Variants in HACE1 observed in about 807,000 individuals in gnomAD.
HACE1 encodes the protein HECT domain and ankyrin repeat containing E3 ubiquitin protein ligase 1.
A neutral mutation model predicts 118.4 loss-of-function variants in HACE1; 73 were observed. The ratio of observed to expected loss-of-function variants is 0.62; its 90% confidence interval spans 0.51 to 0.75. HACE1 has a LOEUF of 0.75. Among genes scored for constraint, HACE1 ranks in the 30% least tolerant of loss-of-function variants. The pLI, the probability that HACE1 is intolerant of heterozygous loss-of-function variation, is 0.00. For synonymous variants in HACE1, 368 were observed against 374.8 expected, an observed-to-expected ratio of 0.98 and a Z score of 0.21; for missense variants, 749 against 1,102.2, an observed-to-expected ratio of 0.68 and a Z score of 4.54.
chr6:104,856,495 C>T (rs548834428), intron 1 of HACE1, among the ~76,000 whole-genome samples: 53 of 151,760 alleles, frequency 3.5e-4, no homozygotes, highest in Admixed American at 3.2e-3. Context: ...AATGCAGTGG[C>T]GCGATCTTGG....
chr6:104,729,709 G>C lies in HACE1; in HGVS notation c.2683C>G (p.Leu895Val), dbSNP rs903180713. The C allele has an allele frequency of 3.8e-6, 6 of 1,593,712 alleles. No individual in the cohort carries two copies. The highest frequency in any genetic ancestry group is 5.2e-6 in the Non-Finnish European group (6 of 1,161,748). The change falls in exon 24 of 24, where the codon CTT becomes GTT. Residue 895 changes from leucine to valine, a missense_variant. Leu to Val is a conservative substitution (Grantham distance 32). Transcript: ENST00000262903. ...YPSKEILKDR[L>V]LVALHCGSYG... The stretch of plus-strand genomic sequence containing the variant: ...CTGCCACAATGTAGTGCCACAAGAA[G>C]TCTGTCCTTGAGTATTTCTTTACTT...
Position 104,777,979 on chromosome 6 carries a change from G to A in HACE1, c.1567-662C>T, listed in dbSNP as rs186564927. On this transcript the variant is annotated intron_variant, in intron 14 of 23. Coordinates refer to ENST00000262903, the MANE Select transcript of HACE1 (RefSeq NM_020771.4). ...TCACCATGTTAGCCAGGCTGGTTTC[G>A]AACTCCTGACCTCAGGTGATCCACC... Among the ~76,000 whole-genome samples, 261 of 152,134 alleles carry A rather than the reference G, an allele frequency of 1.7e-3. 1 individual carries two copies. The highest frequency in any genetic ancestry group is 5.9e-3 in the African/African-American group (244 of 41,520).
rs774420781 is a variant in HACE1 at position 104,843,317 on chromosome 6, C to G, written c.327-19G>C. ...CTTCTGCCTGAAAAGAAAAAAGAGTCATGGATAACTGGTACTTAAAAAATA... is the reference window on the plus strand; with the variant it reads ...CTTCTGCCTGAAAAGAAAAAAGAGTGATGGATAACTGGTACTTAAAAAATA... On this transcript the variant is annotated intron_variant, in intron 4 of 23. Coordinates refer to ENST00000262903, the MANE Select transcript of HACE1 (RefSeq NM_020771.4). 1 of 1,126,622 alleles carries G rather than the reference C, an allele frequency of 8.9e-7. No homozygotes were observed. The highest frequency in any genetic ancestry group is 1.4e-6 in the Non-Finnish European group (1 of 736,008). The allele number at this position is 1,126,622 out of a possible 1,614,324, so 69.8% of individuals were successfully genotyped here. A position where few individuals can be genotyped will look rare whatever the true frequency, so the allele number is the denominator to read the frequency against.
At chr6:104,746,463 A>C in intron 20 of HACE1, among the ~76,000 whole-genome samples, 1 of 152,172 alleles carries the variant, frequency 6.6e-6, no homozygotes, top group East Asian at 1.9e-4. Flanking sequence ...CCTGGGAAAC[A>C]TAGGCAGTTA....
chr6:104,823,484 A>C (rs1772997343), intron 6 of HACE1, among the ~76,000 whole-genome samples: 1 of 145,812 alleles, frequency 6.9e-6, no homozygotes, highest in Non-Finnish European at 1.5e-5. Flanking sequence ...TTTTCCATTC[A>C]TAAATCTTTC....
chr6:104,769,932 A>C (rs1199585870), intron 19 of HACE1, among the ~76,000 whole-genome samples: 1 of 152,142 alleles, frequency 6.6e-6, no homozygotes, highest in Non-Finnish European at 1.5e-5. Context: ...TATATATCTG[A>C]AACTAAGAAC....
At chr6:104,782,889 G>C (rs1781892032) in intron 14 of HACE1, among the ~76,000 whole-genome samples, 1 of 152,092 alleles carries the variant, frequency 6.6e-6, no homozygotes, top group Non-Finnish European at 1.5e-5. Flanking sequence ...CCAAACCATT[G>C]CCTACAGTCT....
intron 7 of HACE1, 90 bp from the exon 8 acceptor site, chr6:104,797,115 G>A: frequency 1.3e-6 from 1 of 768,982 alleles, no homozygotes; most frequent in Non-Finnish European, 2.3e-6. Flanking sequence ...CAATGGAAGA[G>A]TATCACTTTT....
intron 3 of HACE1, among the ~76,000 whole-genome samples, chr6:104,850,402 CT>C (rs1055052789): frequency 6.6e-6 from 1 of 152,160 alleles, no homozygotes. Flanking sequence ...TACTTTCAAC[CT>C]TCTGGCCTTT....
intron 19 of HACE1, among the ~76,000 whole-genome samples, chr6:104,770,440 C>T (rs778005763): frequency 5.9e-5 from 9 of 151,802 alleles, no homozygotes; most frequent in Non-Finnish European, 1.0e-4. Flanking sequence ...AAAATAAGGC[C>T]GAGAGTGGTG....
At chr6:104,784,525 G>C in intron 12 of HACE1, 40 bp from the exon 13 acceptor site, 1 of 1,361,918 alleles carries the variant, frequency 7.3e-7, no homozygotes, top group South Asian at 1.2e-5. Context: ...ACAGGCAAAA[G>C]TTTGTGATAT....
intron 10 of HACE1, among the ~76,000 whole-genome samples, chr6:104,794,803 G>A (rs1363092117): frequency 6.6e-6 from 1 of 152,138 alleles, no homozygotes; most frequent in Non-Finnish European, 1.5e-5. Flanking sequence ...TACTTGGGAG[G>A]CTGAGGCAGG....
chr6:104,770,918 CA>C (rs553957682), intron 19 of HACE1, among the ~76,000 whole-genome samples: 22 of 152,244 alleles, frequency 1.4e-4, no homozygotes, highest in Non-Finnish European at 2.4e-4. Context: ...TATTTCTAAT[CA>C]AATTTCTCAA....
At chr6:104,794,703 A>G (rs1395298331) in intron 10 of HACE1, among the ~76,000 whole-genome samples, 1 of 152,220 alleles carries the variant, frequency 6.6e-6, no homozygotes, top group East Asian at 1.9e-4. Context: ...CAGGAGTTCA[A>G]GACCAGCCTG....
At chr6:104,765,424 G>A (rs1779882226) in intron 19 of HACE1, among the ~76,000 whole-genome samples, 2 of 152,336 alleles carry the variant, frequency 1.3e-5, no homozygotes, top group South Asian at 4.1e-4. Flanking sequence ...GCCTACCACA[G>A]GGGCTGTCTC....
intron 22 of HACE1, among the ~76,000 whole-genome samples, chr6:104,738,793 G>A (rs1046605676): frequency 6.8e-5 from 10 of 146,170 alleles, no homozygotes; most frequent in Admixed American, 2.7e-4. Context: ...GCAGGCCAAC[G>A]TTCAGATTCA....
At chr6:104,795,109 T>C (rs1783473273) in intron 10 of HACE1, among the ~76,000 whole-genome samples, 1 of 152,086 alleles carries the variant, frequency 6.6e-6, no homozygotes, top group African/African-American at 2.4e-5. Context: ...TCCACGAACT[T>C]AGTGATGATA....
At chr6:104,823,518 A>AAT (rs1464456940) in intron 6 of HACE1, among the ~76,000 whole-genome samples, 70 of 152,230 alleles carry the variant, frequency 4.6e-4, no homozygotes, top group African/African-American at 1.7e-3. Context: ...TTTTAAAAAA[A>AAT]ACAGCCCGAT....
chr6:104,791,259 C>T lies in HACE1; in HGVS notation c.1074+245G>A, dbSNP rs540463277. Among the ~76,000 whole-genome samples the T allele has an allele frequency of 4.6e-5, 7 of 152,268 alleles. No individual in the cohort carries two copies. The South Asian group carries it at 1.0e-3, about 23-fold the overall frequency. ...AATTAATTTTAAACACTAAATATCT[C>T]TACCCTTAGAATAAAACACCAATGG... is the stretch of plus-strand genomic sequence containing the variant. On this transcript the variant is annotated intron_variant, in intron 11 of 23. Transcript: ENST00000262903.
Sources: allele counts gnomAD v4.1 joint callset (sites outside exome capture counted in the v4.1 genomes callset), GRCh38; gene constraint gnomAD v4.1.1; transcripts MANE v1.5; gene names NCBI Gene and HGNC (gene_info 2026-07-23, HGNC 2026-07-21).